MATR3: variants seen among roughly 807,000 people sequenced by gnomAD.
The protein encoded by MATR3 is matrin-3.
A neutral mutation model predicts 85.5 loss-of-function variants in MATR3; 4 were observed. The observed-to-expected ratio is 0.05, with a 90% CI of 0.02 to 0.11. The LOEUF is 0.11. Among genes scored for constraint, MATR3 ranks in the 10% least tolerant of loss-of-function variants. The probability of loss-of-function intolerance (pLI) is 1.00; values close to 1 mark genes in which losing one functional copy is unlikely to be tolerated. For synonymous variants in MATR3, 336 were observed against 343.1 expected, an observed-to-expected ratio of 0.98 and a Z score of 0.23; for missense variants, 685 against 1,016.1, an observed-to-expected ratio of 0.67 and a Z score of 4.43.
chr5:139,324,978 T>A (rs1755771606), intron 12 of MATR3, among the ~76,000 whole-genome samples: 2 of 151,776 alleles, frequency 1.3e-5, no homozygotes, highest in South Asian at 4.2e-4. Flanking sequence ...GATCACGAGG[T>A]CAGGAGATCG....
At chr5:139,300,546 A>G (rs1005364212) in intron 1 of MATR3, among the ~76,000 whole-genome samples, 26 of 152,352 alleles carry the variant, frequency 1.7e-4, no homozygotes, top group African/African-American at 6.3e-4. Context: ...TCATCTAAAA[A>G]TAAAGAAAAA....
intron 14 of MATR3, among the ~76,000 whole-genome samples, chr5:139,327,626 G>C (rs1187281524): frequency 6.6e-6 from 1 of 151,910 alleles, no homozygotes; most frequent in Admixed American, 6.6e-5. Flanking sequence ...TCTCCATGTT[G>C]GTCAGACTGG....
At chr5:139,276,016 T>C (rs772977441) in intron 1 of MATR3, 3 of 456,674 alleles carry the variant, frequency 6.6e-6, no homozygotes, top group Non-Finnish European at 1.3e-5. Flanking sequence ...TTGTCTGCTA[T>C]TGTTTCTGTG....
intron 1 of MATR3, chr5:139,294,817 A>G (rs555720998): frequency 6.6e-6 from 1 of 152,198 alleles, no homozygotes; most frequent in African/African-American, 2.4e-5. Context: ...TGTGTTCGGC[A>G]TTTACCGTGG....
chr5:139,315,595 G>A (rs1312784768), intron 3 of MATR3, 102 bp from the exon 4 acceptor site: 2 of 778,396 alleles, frequency 2.6e-6, no homozygotes, highest in Admixed American at 1.9e-5. Flanking sequence ...TAGACTCTCA[G>A]ATAACTTTAC....
chr5:139,290,859 AC>A (rs1160670583), upstream of MATR3, among the ~76,000 whole-genome samples: 2 of 152,076 alleles, frequency 1.3e-5, no homozygotes, highest in Non-Finnish European at 2.9e-5. Context: ...ACCACTCCTT[AC>A]CTTAAAATTC....
At chr5:139,324,879 A>G (rs149268267) in intron 12 of MATR3, among the ~76,000 whole-genome samples, 29 of 152,206 alleles carry the variant, frequency 1.9e-4, no homozygotes, top group Admixed American at 1.2e-3. Context: ...AGAAGTTACT[A>G]TTTTGAGCCA....
intron 3 of MATR3, among the ~76,000 whole-genome samples, chr5:139,284,669 A>G (rs1753646263): frequency 1.3e-5 from 2 of 151,934 alleles, no homozygotes; most frequent in South Asian, 4.1e-4. Flanking sequence ...GACATCTGTT[A>G]ACTAAAACAC....
intron 3 of MATR3, 183 bp from the exon 4 acceptor site, chr5:139,315,514 T>G: frequency 1.8e-6 from 1 of 546,372 alleles, no homozygotes; most frequent in Non-Finnish European, 3.3e-6. Context: ...TCTCGTGGAT[T>G]ATTTTGAAGT....
chr5:139,318,697 G>A (rs1462140538), intron 7 of MATR3, among the ~76,000 whole-genome samples: 6 of 152,188 alleles, frequency 3.9e-5, no homozygotes, highest in South Asian at 2.1e-4. Context: ...CGCCTGCCTC[G>A]GCCTCCCGAA....
intron 2 of MATR3, among the ~76,000 whole-genome samples, chr5:139,277,494 A>G (rs933179897): frequency 1.4e-4 from 21 of 152,176 alleles, no homozygotes; most frequent in African/African-American, 4.8e-4. Context: ...CTTTGTGTGA[A>G]TGCCTCAACT....
rs561355003 is a variant in MATR3, at chr5:139,325,915, C to T, written c.2372-248C>T. Among the ~76,000 whole-genome samples, 13 of 152,094 alleles carry T rather than the reference C, an allele frequency of 8.5e-5. No individual in the cohort carries two copies. The South Asian group carries it at 1.9e-3, about 22-fold the overall frequency. ...TTCGTAAAATTTCTTGCAAGTTACA[C>T]GCTTTTGTTTTGCTTTTCTGTGTTG... On this transcript the variant is annotated intron_variant, in intron 13 of 14. Coordinates refer to ENST00000394805, the MANE Select transcript of MATR3 (RefSeq NM_018834.6).
rs755653519 is a variant in MATR3, at chr5:139,297,051, A to T, written c.-178+3246A>T. 1.0e-3 allele frequency among the ~76,000 whole-genome samples: 154 copies of T among 152,154 alleles called. 2 individuals are homozygous for T. Among genetic ancestry groups the T allele is most frequent in the Non-Finnish European group, 4.7e-4 (32 of 68,022 alleles). The stretch of plus-strand genomic sequence containing the variant: ...GCCGGGCGTGGTGGCAGGCACCTGT[A>T]ATGTAATCCCAGCTACTTGGGAGGG... On this transcript the variant is annotated intron_variant, in intron 1 of 14. Coordinates refer to ENST00000394805, the MANE Select transcript of MATR3 (RefSeq NM_018834.6).
chr5:139,286,538 T>G (rs967808024), intron 3 of MATR3, among the ~76,000 whole-genome samples: 3 of 151,384 alleles, frequency 2.0e-5, no homozygotes, highest in Non-Finnish European at 2.9e-5. Context: ...TGATATCTTA[T>G]GTGAAATAGG....
At chr5:139,320,193 C>T (rs1459651016) in intron 9 of MATR3, among the ~76,000 whole-genome samples, 1 of 151,662 alleles carries the variant, frequency 6.6e-6, no homozygotes, top group Non-Finnish European at 1.5e-5. Flanking sequence ...CCTGTTGTCC[C>T]AGCTGTTGGG....
intron 7 of MATR3, 138 bp downstream of exon 7, chr5:139,317,859 A>G: frequency 1.3e-6 from 1 of 782,076 alleles, no homozygotes; most frequent in Non-Finnish European, 2.0e-6. Flanking sequence ...AGTAGAGGAA[A>G]AGGCCAGTAG....
chr5:139,327,067 T>TA (rs1237551846), intron 14 of MATR3, among the ~76,000 whole-genome samples: 1 of 152,204 alleles, frequency 6.6e-6, no homozygotes, highest in Non-Finnish European at 1.5e-5. Context: ...CCTATTGAGA[T>TA]ATATTGAAAT....
Position 139,325,522 on chromosome 5 carries a change from G to C in MATR3, c.2231G>C (p.Gly744Ala). The C allele has an allele frequency of 6.2e-7, 1 of 1,614,184 alleles. No individual in the cohort carries two copies. The highest frequency in any genetic ancestry group is 8.5e-7 in the Non-Finnish European group (1 of 1,180,026). Residue 744 changes from glycine (G) to alanine (A), a missense_variant, in exon 13 of 15, where the codon GGT (glycine) becomes GCT (alanine). Gly to Ala is a moderately conservative substitution (Grantham distance 60). Coordinates refer to ENST00000394805, the MANE Select transcript of MATR3 (RefSeq NM_018834.6). ...AAAAATGAGGAAAACACAGAACCAG[G>C]TGCTGAATCTTCTGAGAACGCTGAT... ...GIKNEENTEP[G>A]AESSENADDP...
At chr5:139,328,211 A>G (rs1344092715) in intron 14 of MATR3, among the ~76,000 whole-genome samples, 2 of 151,896 alleles carry the variant, frequency 1.3e-5, no homozygotes, top group Non-Finnish European at 2.9e-5. Context: ...CACCTTCATC[A>G]AGAAACTGTT....
Sources: gnomAD v4.1 joint callset for allele counts (sites outside exome capture counted in the v4.1 genomes callset) on GRCh38, gnomAD v4.1.1 for gene constraint, MANE v1.5 for transcripts, NCBI Gene and HGNC (gene_info 2026-07-23, HGNC 2026-07-21) for gene names.